Variants in CRHR2 observed in about 807,000 individuals in gnomAD.
The protein encoded by CRHR2 is corticotropin-releasing hormone receptor 2.
In CRHR2, 53 loss-of-function variants were observed where a neutral mutation model predicts 57.9. That is an observed-to-expected ratio of 0.92 (90% CI 0.73 to 1.15). The LOEUF (loss-of-function observed/expected upper bound fraction) is 1.15, where lower values mean the gene tolerates loss of function less well. Among genes scored for constraint, CRHR2 ranks in the 50% most tolerant of loss-of-function variants. The pLI, the probability that CRHR2 is intolerant of heterozygous loss-of-function variation, is 0.00. For synonymous variants in CRHR2, 213 were observed against 220.9 expected, an observed-to-expected ratio of 0.96 and a Z score of 0.32; for missense variants, 532 against 542.6, an observed-to-expected ratio of 0.98 and a Z score of 0.19.
In CRHR2 at chr7:30,662,757, C is replaced by T. The variant is rs772047248; in HGVS notation, c.634G>A (p.Ala212Thr). The T allele has an allele frequency of 6.2e-7, 1 of 1,614,210 alleles. No homozygotes were observed. The highest frequency in any genetic ancestry group is 8.5e-7 in the Non-Finnish European group (1 of 1,180,038). Residue 212 changes from alanine (A) to threonine (T), a missense_variant, in exon 6 of 12, where the codon GCC becomes ACC. Physicochemically the swap from Ala to Thr is moderately conservative, Grantham distance 58. Coordinates refer to ENST00000471646, the MANE Select transcript of CRHR2 (RefSeq NM_001883.5). ...TCAGTGGAGTAGGTCATGACAATGG[C>T]CGTGTGCAGGTAGCAGCCTTCCACA... ...MFVEGCYLHT[A>T]IVMTYSTERL...
intron 5 of CRHR2, among the ~76,000 whole-genome samples, chr7:30,663,215 A>G (rs1019000542): frequency 1.3e-5 from 2 of 152,188 alleles, no homozygotes; most frequent in African/African-American, 4.8e-5. Flanking sequence ...TTTTCAATCC[A>G]TAGCAAGTCA....
chr7:30,671,881 G>GAGA (rs1469761220), intron 2 of CRHR2, among the ~76,000 whole-genome samples: 5 of 128,072 alleles, frequency 3.9e-5, no homozygotes, highest in African/African-American at 2.3e-4. Context: ...GGATGAAGAG[G>GAGA]AGGAGGAGGA....
chr7:30,670,708 C>T (rs1028403106), intron 2 of CRHR2, among the ~76,000 whole-genome samples: 4 of 152,202 alleles, frequency 2.6e-5, no homozygotes, highest in African/African-American at 7.2e-5. Context: ...TCATCCACCC[C>T]GTGGGAAACG....
In CRHR2 at chr7:30,682,011, C is replaced by T. The variant is rs368172896; in HGVS notation, c.133G>A (p.Asp45Asn). Residue 45 changes from aspartate to asparagine, a missense_variant, in exon 2 of 12, where the codon GAC (aspartate) becomes AAC (asparagine). By Grantham distance (23) the Asp-to-Asn change is conservative. Transcript: ENST00000471646. ...CGGGGCCAGCACGTTCCGATCTGGTCCAAGGTCGTGTTGCAGTAGGAGTAG... is the reference window on the plus strand; with the variant it reads ...CGGGGCCAGCACGTTCCGATCTGGTTCAAGGTCGTGTTGCAGTAGGAGTAG... ...GPYSYCNTTLDQIGTCWPRSA... is the reference protein window; with the variant it reads ...GPYSYCNTTLNQIGTCWPRSA... 46 of 1,601,624 alleles carry T rather than the reference C, an allele frequency of 2.9e-5. No homozygotes were observed. The highest frequency in any genetic ancestry group is 3.1e-5 in the Non-Finnish European group (37 of 1,174,688).
At chr7:30,685,065 G>A (rs996160385), upstream of CRHR2, among the ~76,000 whole-genome samples, 1 of 152,170 alleles carries the variant, frequency 6.6e-6, no homozygotes, top group Non-Finnish European at 1.5e-5. Flanking sequence ...GGACAGGTTG[G>A]CAAATAGGTT....
intron 2 of CRHR2, among the ~76,000 whole-genome samples, chr7:30,668,184 T>C (rs1784245435): frequency 6.6e-6 from 1 of 152,220 alleles, no homozygotes; most frequent in African/African-American, 2.4e-5. Flanking sequence ...AGGGGGAAGG[T>C]AGGAAAGTTA....
intron 2 of CRHR2, among the ~76,000 whole-genome samples, chr7:30,671,417 G>C (rs1054385828): frequency 6.6e-6 from 1 of 152,112 alleles, no homozygotes; most frequent in African/African-American, 2.4e-5. Context: ...GAGTACAAGG[G>C]ACAGGGGTAG....
intron 11 of CRHR2, chr7:30,654,729 G>T: frequency 6.5e-7 from 1 of 1,536,214 alleles, no homozygotes; most frequent in Non-Finnish European, 8.7e-7. Context: ...CTTTCTGGAA[G>T]CTTCCTTCTG....
upstream of CRHR2, chr7:30,686,601 G>A (rs368589461): frequency 3.9e-6 from 5 of 1,296,164 alleles, no homozygotes; most frequent in Non-Finnish European, 5.4e-6. Flanking sequence ...TTGAGCACAG[G>A]AATTCAAGAC....
Position 30,656,054 on chromosome 7 carries a change from G to A in CRHR2, c.832-42C>T, listed in dbSNP as rs370995735. 11 of 1,589,822 alleles carry A rather than the reference G, an allele frequency of 6.9e-6. No homozygotes were observed. The highest frequency in any genetic ancestry group is 2.2e-5 in the East Asian group (1 of 44,764). On this transcript the variant is annotated intron_variant, in intron 8 of 11. Coordinates refer to ENST00000471646, the MANE Select transcript of CRHR2 (RefSeq NM_001883.5). This position sits in a 1 kb window ranked among gnomAD's most constrained non-coding sequence, Gnocchi z 4.4. ...CATGGGAAAGAGGGAAAAGGAAGGA[G>A]CACGTGTTTGAGATGAGCCGAGAGG...
In CRHR2 at chr7:30,656,303, C is replaced by A. The variant is rs1268988313; in HGVS notation, c.832-291G>T. On this transcript the variant is annotated intron_variant, in intron 8 of 11. Transcript: ENST00000471646. This position sits in a 1 kb window ranked among gnomAD's most constrained non-coding sequence, Gnocchi z 4.4. ...AGAGCACGGGGCATGCCCTCTGAGG[C>A]TGAGAAAGCCCCCAACCCTCTCCCC... Among the ~76,000 whole-genome samples the A allele has an allele frequency of 6.6e-6, 1 of 152,080 alleles. No individual in the cohort carries two copies. Among genetic ancestry groups the A allele is most frequent in the African/African-American group, 2.4e-5 (1 of 41,408 alleles).
intron 2 of CRHR2, among the ~76,000 whole-genome samples, chr7:30,687,705 C>G (rs1275575949): frequency 6.6e-6 from 1 of 152,214 alleles, no homozygotes; most frequent in Non-Finnish European, 1.5e-5. Flanking sequence ...CCGCTGCACT[C>G]AGAGCGGGGA....
intron 1 of CRHR2, among the ~76,000 whole-genome samples, chr7:30,691,594 G>A (rs114486797): frequency 1.5e-3 from 225 of 152,342 alleles, no homozygotes; most frequent in African/African-American, 5.3e-3. Context: ...TGGGGAGTGG[G>A]CACAGGGTTA....
chr7:30,688,719 C>A, intron 2 of CRHR2: 4 of 444,410 alleles, frequency 9.0e-6, no homozygotes, highest in South Asian at 6.5e-5. Context: ...CTCTGTGCAG[C>A]TCTGCAGTGG....
intron 5 of CRHR2, among the ~76,000 whole-genome samples, chr7:30,664,396 G>A (rs1784111915): frequency 6.6e-6 from 1 of 152,230 alleles, no homozygotes; most frequent in South Asian, 2.1e-4. Context: ...ACCTTGGCGA[G>A]TCACTTAACC....
At chr7:30,672,329 C>G (rs1158414789) in intron 2 of CRHR2, among the ~76,000 whole-genome samples, 1 of 152,230 alleles carries the variant, frequency 6.6e-6, no homozygotes, top group Non-Finnish European at 1.5e-5. Flanking sequence ...CTAACCAGCC[C>G]AGGTTCTCTG....
chr7:30,697,325 G>A (rs78892803), intron 1 of CRHR2, among the ~76,000 whole-genome samples: 1,843 of 152,338 alleles, frequency 0.012, 29 homozygotes, highest in African/African-American at 0.033. Flanking sequence ...GCTCCAAGGA[G>A]CTGGACTTAG....
Position 30,662,194 on chromosome 7 carries a change from G to A in CRHR2, c.720C>T (p.Val240=), listed in dbSNP as rs956637775. 14 of 1,613,976 alleles carry A rather than the reference G, an allele frequency of 8.7e-6. No homozygotes were observed. The highest frequency in any genetic ancestry group is 1.3e-5 in the African/African-American group (1 of 74,896). The change falls in exon 7 of 12, where the codon GTC becomes GTT. Residue 240 remains valine (V), a synonymous_variant. Transcript: ENST00000471646. ...IGWCIPFPII[V]AWAIGKLYYE... is the part of the protein sequence containing the mutation. Reference sequence around the variant, plus strand: ...AGTAGAGCTTGCCGATGGCCCAGGCGACGATGATGGGGAAGGGGATGCCTG... The same window carrying A: ...AGTAGAGCTTGCCGATGGCCCAGGCAACGATGATGGGGAAGGGGATGCCTG...
intron 2 of CRHR2, among the ~76,000 whole-genome samples, chr7:30,669,609 A>G (rs1479181011): frequency 6.6e-6 from 1 of 151,920 alleles, no homozygotes; most frequent in East Asian, 1.9e-4. Context: ...CCTCCTGCCC[A>G]TCCCTCCATC....
Sources: gnomAD v4.1 joint callset for allele counts (sites outside exome capture counted in the v4.1 genomes callset) on GRCh38, gnomAD v4.1.1 for gene constraint, Gnocchi (gnomAD v3.1) non-coding constraint, MANE v1.5 for transcripts, NCBI Gene and HGNC (gene_info 2026-07-23, HGNC 2026-07-21) for gene names.